FSD1L: variants seen among roughly 807,000 people sequenced by gnomAD.
FSD1L encodes the protein fibronectin type III and SPRY domain containing 1 like, also known as FSD1-like protein.
FSD1L carries 45 observed loss-of-function variants against 71.6 expected under a neutral mutation model. The ratio of observed to expected loss-of-function variants is 0.63; its 90% CI spans 0.49 to 0.81. The LOEUF (loss-of-function observed/expected upper bound fraction) is 0.81. FSD1L is among the 30% of genes least tolerant of loss of function. The pLI is 0.00. For missense variants in FSD1L, 561 were observed against 618.1 expected (o/e 0.91, Z 0.98); for synonymous variants, 197 against 207.2 (o/e 0.95, Z 0.42).
upstream of FSD1L, among the ~76,000 whole-genome samples, chr9:105,443,853 C>T (rs1247078733): frequency 1.3e-5 from 2 of 152,184 alleles, no homozygotes; most frequent in Non-Finnish European, 2.9e-5. Flanking sequence ...AGACACTGTG[C>T]TCAAAATTTA....
At chr9:105,511,315 C>T (rs959580573) in intron 9 of FSD1L, among the ~76,000 whole-genome samples, 3 of 151,954 alleles carry the variant, frequency 2.0e-5, no homozygotes, top group South Asian at 4.2e-4. Context: ...AGGATTTTAG[C>T]AAGCAGTTGA....
In FSD1L at chr9:105,539,344, G is replaced by T; in HGVS notation, c.1460G>T (p.Gly487Val). 1 of 1,429,870 alleles carries T rather than the reference G, an allele frequency of 7.0e-7. No homozygotes were observed. Among genetic ancestry groups the T allele is most frequent in the Non-Finnish European group, 9.5e-7 (1 of 1,056,112 alleles). The allele number at this position is 1,429,870 out of a possible 1,614,324, so 88.6% of individuals were successfully genotyped here. ...AAATTTACTCAGCCAGTACTACCTGGTTTCATGGTTAGTATGTTTTATATC... is the reference window on the plus strand; with the variant it reads ...AAATTTACTCAGCCAGTACTACCTGTTTTCATGGTTAGTATGTTTTATATC... ...KTKFTQPVLP[G>V]FMVWCGGLSL... Residue 487 changes from glycine to valine, a missense_variant, in exon 13 of 14, where the codon GGT (glycine) becomes GTT (valine). This residue lies in a region of FSD1L where 98 missense variants were observed against 102.3 expected (regional missense o/e 0.96). Coordinates refer to ENST00000481272, the MANE Select transcript of FSD1L (RefSeq NM_001145313.3).
intron 1 of FSD1L, among the ~76,000 whole-genome samples, chr9:105,460,779 CT>C (rs1830641921): frequency 6.6e-6 from 1 of 152,116 alleles, no homozygotes. Flanking sequence ...GACATTTGCA[CT>C]TTCTGTGATC....
chr9:105,468,682 A>G (rs1458895290), intron 4 of FSD1L, among the ~76,000 whole-genome samples: 1 of 151,990 alleles, frequency 6.6e-6, no homozygotes, highest in African/African-American at 2.4e-5. Context: ...TTTAGTAGAG[A>G]CGGGGTTTCA....
chr9:105,445,349 C>T (rs552784330), upstream of FSD1L, among the ~76,000 whole-genome samples: 157 of 152,168 alleles, frequency 1.0e-3, no homozygotes, highest in Non-Finnish European at 2.0e-3. Context: ...AAGCTGCAGT[C>T]TGCTGGCTGG....
At chr9:105,519,964 C>A (rs555978213) in intron 10 of FSD1L, among the ~76,000 whole-genome samples, 155 of 152,336 alleles carry the variant, frequency 1.0e-3, no homozygotes, top group African/African-American at 3.6e-3. Flanking sequence ...GTGGAGGTGG[C>A]GGCCCTGGCC....
At chr9:105,451,198 A>G (rs543425500) in intron 1 of FSD1L, among the ~76,000 whole-genome samples, 30 of 152,306 alleles carry the variant, frequency 2.0e-4, no homozygotes, top group African/African-American at 7.2e-4. Flanking sequence ...TGACCCCGTG[A>G]TCCGCCCGCC....
At chr9:105,480,308 T>C (rs189668355) in intron 6 of FSD1L, among the ~76,000 whole-genome samples, 2 of 152,026 alleles carry the variant, frequency 1.3e-5, no homozygotes, top group African/African-American at 4.8e-5. Context: ...TTTTTTTTTT[T>C]TTGAGGCAGA....
chr9:105,513,517 G>T lies in FSD1L; in HGVS notation c.1025+581G>T, dbSNP rs897847036. 33 of 1,146,376 alleles carry T rather than the reference G, an allele frequency of 2.9e-5. No homozygotes were observed. The Admixed American group carries it at 3.5e-4, about 12-fold the overall frequency. 71.0% of individuals were successfully genotyped at this position (1,146,376 alleles called of 1,614,324 possible). A position where few individuals can be genotyped will look rare whatever the true frequency, so the allele number is the denominator to read the frequency against. ...TGAATCCCCAAAAATTCCTCAGCAG[G>T]CCTTTAATCTGATTTCATTATAAGC... On this transcript the variant is annotated intron_variant, in intron 10 of 13. Transcript: ENST00000481272.
At chr9:105,467,850 C>T (rs1032531130) in intron 3 of FSD1L, among the ~76,000 whole-genome samples, 1 of 152,156 alleles carries the variant, frequency 6.6e-6, no homozygotes, top group African/African-American at 2.4e-5. Context: ...GAACCACTGG[C>T]TTAGAGTCTG....
At position 105,546,529 on chromosome 9, in the gene FSD1L, T is replaced by C. The variant is rs1837017257; in HGVS notation, c.*46T>C. ...ACCCTCCGTCTTGATTAGGTGGCCT[T>C]TTCTGTGCAGTTACTAATCACAGGA... On this transcript the variant is annotated 3_prime_UTR_variant, in exon 14 of 14. Transcript: ENST00000481272. 10 of 1,478,496 alleles carry C rather than the reference T, an allele frequency of 6.8e-6. No individual in the cohort carries two copies. The highest frequency in any genetic ancestry group is 8.1e-6 in the Non-Finnish European group (9 of 1,112,632). The allele number at this position is 1,478,496 out of a possible 1,614,324, so 91.6% of individuals were successfully genotyped here.
intron 7 of FSD1L, chr9:105,500,606 C>T (rs1169245652): frequency 1.3e-5 from 2 of 152,172 alleles, no homozygotes; most frequent in African/African-American, 4.8e-5. Flanking sequence ...CTTTTCTCCT[C>T]CCCCTGCTGT....
chr9:105,449,044 A>AT (rs1191158312), intron 1 of FSD1L, among the ~76,000 whole-genome samples: 1 of 152,268 alleles, frequency 6.6e-6, no homozygotes, highest in Non-Finnish European at 1.5e-5. Context: ...TTGTTAGACT[A>AT]TAACGTAATT....
chr9:105,519,407 A>C (rs185248968), intron 10 of FSD1L, among the ~76,000 whole-genome samples: 9 of 152,338 alleles, frequency 5.9e-5, no homozygotes, highest in Admixed American at 3.9e-4. Context: ...CCTCAATAAA[A>C]TACTGGCAAA....
intron 7 of FSD1L, among the ~76,000 whole-genome samples, chr9:105,502,520 T>TC (rs556047495): frequency 4.6e-5 from 7 of 152,304 alleles, no homozygotes; most frequent in Middle Eastern, 3.4e-3. Context: ...ATAACATTTT[T>TC]CCCCCATAAT....
chr9:105,480,472 T>A (rs1832098892), intron 6 of FSD1L, among the ~76,000 whole-genome samples: 1 of 152,122 alleles, frequency 6.6e-6, no homozygotes, highest in Non-Finnish European at 1.5e-5. Flanking sequence ...TTGTATTTTT[T>A]GTAGAAACAG....
intron 5 of FSD1L, among the ~76,000 whole-genome samples, chr9:105,479,145 T>TG (rs1194569358): frequency 2.0e-5 from 3 of 152,192 alleles, no homozygotes; most frequent in Non-Finnish European, 2.9e-5. Flanking sequence ...GTGATTTTTG[T>TG]GGGGTCTGGA....
intron 10 of FSD1L, among the ~76,000 whole-genome samples, chr9:105,529,326 T>C (rs949283627): frequency 6.6e-6 from 1 of 152,184 alleles, no homozygotes; most frequent in Non-Finnish European, 1.5e-5. Context: ...CATGCACACA[T>C]ATGTTTATCG....
At chr9:105,526,325 C>T in intron 10 of FSD1L, 1 of 1,611,184 alleles carries the variant, frequency 6.2e-7, no homozygotes, top group Non-Finnish European at 8.5e-7. Flanking sequence ...TCTCCAGCTC[C>T]CTACCACCAT....
Sources: gnomAD v4.1 joint callset for allele counts (sites outside exome capture counted in the v4.1 genomes callset) on GRCh38, gnomAD v4.1.1 for gene constraint, gnomAD v4.1.1 regional missense constraint, MANE v1.5 for transcripts, NCBI Gene and HGNC (gene_info 2026-07-23, HGNC 2026-07-21) for gene names.